The following DCLK1 variants were observed in gnomAD, a reference collection of about 807,000 sequenced individuals.
DCLK1 encodes the protein serine/threonine-protein kinase DCLK1.
In DCLK1, 16 loss-of-function variants were observed where a neutral mutation model predicts 86.2. The observed-to-expected ratio is 0.19, with a 90% CI of 0.13 to 0.28. DCLK1 has a LOEUF of 0.28. Among genes scored for constraint, DCLK1 ranks in the 10% least tolerant of loss-of-function variants. DCLK1 has a pLI of 1.00. For missense variants in DCLK1, 590 were observed against 940.2 expected (o/e 0.63, Z 4.87); for synonymous variants, 369 against 370.5 (o/e 1.00, Z 0.05).
intron 3 of DCLK1, among the ~76,000 whole-genome samples, chr13:36,087,173 G>T (rs1884638626): frequency 6.6e-6 from 1 of 152,300 alleles, no homozygotes; most frequent in Admixed American, 6.5e-5. Flanking sequence ...CAACTGGCAT[G>T]GGATGGTATC....
rs748715907 is a variant in DCLK1 at position 35,805,684 on chromosome 13, G to T, written c.1944+15C>A. On this transcript the variant is annotated intron_variant, in intron 15 of 16. Coordinates refer to ENST00000360631, the MANE Select transcript of DCLK1 (RefSeq NM_001330071.2). ...ATGTTAGGAGAGAACAAAGGAAATG[G>T]TGCGAGTCACTTACATTAACCCAGG... is the stretch of plus-strand genomic sequence containing the variant. 1.4e-5 allele frequency: 22 copies of T among 1,609,422 alleles called. No homozygotes were observed. In the Middle Eastern group the frequency reaches 9.9e-4, roughly 73 times the overall value.
At chr13:36,082,402 G>A (rs1021614564) in intron 3 of DCLK1, among the ~76,000 whole-genome samples, 11 of 152,156 alleles carry the variant, frequency 7.2e-5, no homozygotes, top group Non-Finnish European at 1.6e-4. Flanking sequence ...TATGTTATCG[G>A]TAAGGCTTCT....
chr13:35,967,679 C>CA (rs1160427904), intron 3 of DCLK1, among the ~76,000 whole-genome samples: 3 of 152,122 alleles, frequency 2.0e-5, no homozygotes, highest in African/African-American at 7.2e-5. Flanking sequence ...CCCAGGGACA[C>CA]AAACACTGCG....
At position 36,082,850 on chromosome 13, in the gene DCLK1, T is replaced by G. The variant is rs55905504; in HGVS notation, c.723+29019A>C. Among the ~76,000 whole-genome samples the G allele has an allele frequency of 6.1e-3, 932 of 152,308 alleles. 15 individuals carry two copies. Among genetic ancestry groups the G allele is most frequent in the African/African-American group, 0.022 (899 of 41,576 alleles). ...CCTAGAACTTTATCTTCATTCCTCA[T>G]TTGTCTTCCTTGCTCCCGGTGGAGA... On this transcript the variant is annotated intron_variant, in intron 3 of 16. Transcript: ENST00000360631.
At chr13:35,777,084 C>T (rs1047309459) in intron 16 of DCLK1, among the ~76,000 whole-genome samples, 2 of 152,192 alleles carry the variant, frequency 1.3e-5, no homozygotes, top group African/African-American at 4.8e-5. Context: ...TCTGGCCACT[C>T]CTACAGATTT....
At chr13:35,966,354 C>T (rs546923392) in intron 3 of DCLK1, among the ~76,000 whole-genome samples, 8 of 152,148 alleles carry the variant, frequency 5.3e-5, no homozygotes, top group Non-Finnish European at 1.0e-4. Flanking sequence ...AATAGTAGCA[C>T]TACATACAAT....
At chr13:36,118,411 G>C (rs1488494118) in intron 2 of DCLK1, among the ~76,000 whole-genome samples, 1 of 152,146 alleles carries the variant, frequency 6.6e-6, no homozygotes, top group East Asian at 1.9e-4. Flanking sequence ...GAGGGAATAT[G>C]AGGCAACAAA....
intron 4 of DCLK1, among the ~76,000 whole-genome samples, chr13:35,928,245 A>T (rs1450431019): frequency 6.6e-6 from 1 of 151,996 alleles, no homozygotes; most frequent in Non-Finnish European, 1.5e-5. Context: ...GGTGCCCTTA[A>T]CCTATGAAGT....
intron 12 of DCLK1, among the ~76,000 whole-genome samples, chr13:35,810,166 T>G (rs1032847964): frequency 6.6e-6 from 1 of 152,192 alleles, no homozygotes; most frequent in African/African-American, 2.4e-5. Context: ...ATCATGAGCT[T>G]GCATGGTATC....
chr13:36,038,336 T>A (rs1356177612), intron 3 of DCLK1, among the ~76,000 whole-genome samples: 2 of 152,124 alleles, frequency 1.3e-5, no homozygotes, highest in Non-Finnish European at 2.9e-5. Flanking sequence ...CCAGAGTGCT[T>A]CCTGGTTACA....
chr13:35,937,719 C>T (rs924255669), intron 4 of DCLK1, among the ~76,000 whole-genome samples: 27 of 152,212 alleles, frequency 1.8e-4, no homozygotes, highest in African/African-American at 5.5e-4. Context: ...TGGGGGAAGA[C>T]AATTTTTCTA....
At position 35,867,298 on chromosome 13, in the gene DCLK1, T is replaced by C. The variant is rs188486234; in HGVS notation, c.940+3926A>G. On this transcript the variant is annotated intron_variant, in intron 5 of 16. Transcript: ENST00000360631. ...ATTTTATATACACAAAAAGCTCACA[T>C]TAAACAAAATATGATCAGTGTTATA... 6.6e-5 allele frequency among the ~76,000 whole-genome samples: 10 copies of C among 152,298 alleles called. No homozygotes were observed. In the East Asian group the frequency reaches 1.9e-3, roughly 29 times the overall value.
chr13:36,002,034 A>G (rs1880744435), intron 3 of DCLK1, among the ~76,000 whole-genome samples: 1 of 151,714 alleles, frequency 6.6e-6, no homozygotes, highest in Non-Finnish European at 1.5e-5. Context: ...TAAAAAAAAA[A>G]TCTCTCTTTA....
intron 4 of DCLK1, among the ~76,000 whole-genome samples, chr13:35,925,423 C>G (rs1876058216): frequency 6.6e-6 from 1 of 152,172 alleles, no homozygotes; most frequent in Non-Finnish European, 1.5e-5. Context: ...ATAAAATATG[C>G]TAATGTTCTC....
intron 3 of DCLK1, among the ~76,000 whole-genome samples, chr13:36,015,635 C>T (rs1018991959): frequency 1.3e-5 from 2 of 152,140 alleles, no homozygotes; most frequent in Non-Finnish European, 2.9e-5. Flanking sequence ...TCTCCTAAAG[C>T]AGCCCTTACC....
chr13:35,965,080 A>T (rs2153138047), intron 3 of DCLK1, among the ~76,000 whole-genome samples: 1 of 152,304 alleles, frequency 6.6e-6, no homozygotes, highest in East Asian at 1.9e-4. Flanking sequence ...AAGTTCCTTT[A>T]CATCATGCCC....
chr13:36,003,702 T>C (rs1342422252), intron 3 of DCLK1, among the ~76,000 whole-genome samples: 1 of 152,152 alleles, frequency 6.6e-6, no homozygotes, highest in African/African-American at 2.4e-5. Flanking sequence ...TATGGATAAG[T>C]CAAAGGTTAC....
chr13:35,973,987 T>A (rs1458616564), intron 3 of DCLK1, among the ~76,000 whole-genome samples: 3 of 152,138 alleles, frequency 2.0e-5, no homozygotes, highest in Non-Finnish European at 4.4e-5. Context: ...GTTGAATAAG[T>A]TTATGCCCTG....
intron 4 of DCLK1, among the ~76,000 whole-genome samples, chr13:35,931,128 T>C (rs1310655423): frequency 6.6e-6 from 1 of 152,218 alleles, no homozygotes; most frequent in African/African-American, 2.4e-5. Flanking sequence ...ACCTTTTCAT[T>C]TGTTTTCATT....
Sources: gnomAD v4.1 joint callset for allele counts (sites outside exome capture counted in the v4.1 genomes callset) on GRCh38, gnomAD v4.1.1 for gene constraint, MANE v1.5 for transcripts, NCBI Gene and HGNC (gene_info 2026-07-23, HGNC 2026-07-21) for gene names.